Variants in EIF2B3 observed in about 807,000 individuals in gnomAD.
EIF2B3 encodes the protein eukaryotic translation initiation factor 2B subunit gamma.
In EIF2B3, 20 loss-of-function variants were observed where a neutral mutation model predicts 54.1. The observed-to-expected ratio is 0.37, with a 90% CI of 0.26 to 0.54. EIF2B3 has a LOEUF of 0.54. EIF2B3 is among the 20% of genes least tolerant of loss of function. The pLI, the probability that EIF2B3 is intolerant of heterozygous loss-of-function variation, is 0.86. For synonymous variants in EIF2B3, 153 were observed against 188.1 expected (o/e 0.81, Z 1.52); for missense variants, 448 against 547.8 (o/e 0.82, Z 1.82).
At chr1:44,907,905 A>AG (rs1347986458) in intron 5 of EIF2B3, among the ~76,000 whole-genome samples, 1 of 151,448 alleles carries the variant, frequency 6.6e-6, no homozygotes, top group Non-Finnish European at 1.5e-5. Context: ...AAAAAAAAAA[A>AG]AAAAAAAAAA....
At chr1:44,951,746 T>C (rs2148948537) in intron 3 of EIF2B3, among the ~76,000 whole-genome samples, 1 of 151,940 alleles carries the variant, frequency 6.6e-6, no homozygotes, top group East Asian at 1.9e-4. Flanking sequence ...GATAATTTCA[T>C]ATATTCTCAT....
intron 3 of EIF2B3, among the ~76,000 whole-genome samples, 171 bp downstream of exon 3, chr1:44,978,144 T>C (rs751319217): frequency 5.9e-5 from 9 of 152,142 alleles, no homozygotes; most frequent in Non-Finnish European, 1.2e-4. Context: ...GGCAGGAGAA[T>C]TGCTTGAACC....
intron 8 of EIF2B3, among the ~76,000 whole-genome samples, chr1:44,878,678 T>G (rs1012461475): frequency 1.3e-5 from 2 of 152,138 alleles, no homozygotes; most frequent in Non-Finnish European, 2.9e-5. Context: ...CAATAACTAA[T>G]CTTTTCATTA....
At chr1:44,959,214 A>G in intron 3 of EIF2B3, 1 of 697,236 alleles carries the variant, frequency 1.4e-6, no homozygotes, top group Non-Finnish European at 2.6e-6. Context: ...TCCTTTGGAT[A>G]GTACACCTGT....
chr1:44,854,552 A>G (rs1001576178), intron 11 of EIF2B3, among the ~76,000 whole-genome samples: 3 of 151,750 alleles, frequency 2.0e-5, no homozygotes, highest in African/African-American at 7.3e-5. Context: ...CTGGAGCATG[A>G]AAATGATTAG....
At chr1:44,946,627 CT>C (rs35199520) in intron 3 of EIF2B3, among the ~76,000 whole-genome samples, 203 of 131,852 alleles carry the variant, frequency 1.5e-3, no homozygotes, top group Middle Eastern at 3.8e-3. Flanking sequence ...TCTTCTTCTT[CT>C]TTTTTTTTTT....
intron 5 of EIF2B3, among the ~76,000 whole-genome samples, chr1:44,915,733 C>G (rs1202618117): frequency 6.6e-6 from 1 of 151,578 alleles, no homozygotes; most frequent in East Asian, 1.9e-4. Flanking sequence ...AATAGATGTA[C>G]TGTTATAAAA....
At chr1:44,966,994 T>C (rs1644348806) in intron 3 of EIF2B3, among the ~76,000 whole-genome samples, 1 of 151,808 alleles carries the variant, frequency 6.6e-6, no homozygotes, top group Non-Finnish European at 1.5e-5. Flanking sequence ...TTTTATATTT[T>C]TAGTAGAGAT....
chr1:44,914,145 CT>C (rs1047131665), intron 5 of EIF2B3, among the ~76,000 whole-genome samples: 1 of 148,084 alleles, frequency 6.8e-6, no homozygotes, highest in Non-Finnish European at 1.5e-5. Context: ...GCTTTTAAAA[CT>C]TTTTAAATTG....
At position 44,897,449 on chromosome 1, in the gene EIF2B3, A is replaced by C. The variant is rs1478430295; in HGVS notation, c.567-5T>G. The C allele has an allele frequency of 6.3e-7, 1 of 1,596,638 alleles. No individual in the cohort carries two copies. The highest frequency in any genetic ancestry group is 8.5e-7 in the Non-Finnish European group (1 of 1,169,600). ...TGGAAACGTATTCTAGGATGCCTGC[A>C]AAAAAATAAAAAATAAAAGAAAGAA... On this transcript the variant is annotated splice_polypyrimidine_tract_variant and splice_region_variant and intron_variant, in intron 5 of 11. Transcript: ENST00000360403.
At chr1:44,961,259 G>T (rs1335302348) in intron 3 of EIF2B3, among the ~76,000 whole-genome samples, 1 of 148,766 alleles carries the variant, frequency 6.7e-6, no homozygotes, top group East Asian at 2.0e-4. Flanking sequence ...CGAGGCTGCA[G>T]TGAGCCATGA....
chr1:44,883,528 C>T lies in EIF2B3; in HGVS notation c.657-1789G>A, dbSNP rs142738270. Among the ~76,000 whole-genome samples, 391 of 152,206 alleles carry T rather than the reference C, an allele frequency of 2.6e-3. 8 individuals carry two copies. The highest frequency in any genetic ancestry group is 0.019 in the Admixed American group (295 of 15,286). ...GGACCAGTGACCCCTCTGTGGCCCC[C>T]ATCCAAAACTGGGCTCAGCAGAGGA... On this transcript the variant is annotated intron_variant, in intron 6 of 11. Coordinates refer to ENST00000360403, the MANE Select transcript of EIF2B3 (RefSeq NM_020365.5).
At chr1:44,966,147 T>C (rs1644336283) in intron 3 of EIF2B3, among the ~76,000 whole-genome samples, 1 of 151,790 alleles carries the variant, frequency 6.6e-6, no homozygotes, top group Non-Finnish European at 1.5e-5. Flanking sequence ...AACACTGTCT[T>C]TAAAAATGAA....
chr1:44,971,983 G>T (rs2148960626), intron 3 of EIF2B3, among the ~76,000 whole-genome samples: 1 of 152,076 alleles, frequency 6.6e-6, no homozygotes, highest in Non-Finnish European at 1.5e-5. Flanking sequence ...AGTAAGCCGA[G>T]ATTGCACCAT....
chr1:44,945,025 C>T (rs1391007232), intron 3 of EIF2B3, among the ~76,000 whole-genome samples: 1 of 151,978 alleles, frequency 6.6e-6, no homozygotes, highest in Non-Finnish European at 1.5e-5. Flanking sequence ...CTTGTTTGCT[C>T]AGAAAGTGAG....
chr1:44,899,638 C>T lies in EIF2B3; in HGVS notation c.567-2194G>A, dbSNP rs1170778607. Reference sequence around the variant, plus strand: ...GCCACAATGAGATACCACCTCATGCCAGTCAGAATGGCTACTATTAAAAAG... The same window carrying T: ...GCCACAATGAGATACCACCTCATGCTAGTCAGAATGGCTACTATTAAAAAG... On this transcript the variant is annotated intron_variant, in intron 5 of 11. Transcript: ENST00000360403. 4.6e-5 allele frequency among the ~76,000 whole-genome samples: 7 copies of T among 152,310 alleles called. No individual in the cohort carries two copies. The East Asian group carries it at 1.3e-3, about 29-fold the overall frequency.
At chr1:44,982,352 G>A (rs1300502729) in intron 1 of EIF2B3, among the ~76,000 whole-genome samples, 1 of 152,172 alleles carries the variant, frequency 6.6e-6, no homozygotes, top group Non-Finnish European at 1.5e-5. Flanking sequence ...AGGCTGGAGT[G>A]CAATGCCGTG....
At chr1:44,904,721 G>A (rs1643381880) in intron 5 of EIF2B3, among the ~76,000 whole-genome samples, 1 of 152,108 alleles carries the variant, frequency 6.6e-6, no homozygotes, top group Non-Finnish European at 1.5e-5. Context: ...CACCGTGTTA[G>A]CCAGGATGGT....
intron 5 of EIF2B3, among the ~76,000 whole-genome samples, chr1:44,914,941 G>A (rs1217679139): frequency 3.3e-5 from 5 of 151,938 alleles, no homozygotes; most frequent in South Asian, 2.1e-4. Flanking sequence ...CGCCCACTTC[G>A]GCCTCCCAAA....
Sources: allele counts gnomAD v4.1 joint callset (sites outside exome capture counted in the v4.1 genomes callset), GRCh38; gene constraint gnomAD v4.1.1; transcripts MANE v1.5; gene names NCBI Gene and HGNC (gene_info 2026-07-23, HGNC 2026-07-21).